Variants in ANKRD31 observed in about 807,000 individuals in gnomAD.
The protein encoded by ANKRD31 is ankyrin repeat domain-containing protein 31.
A neutral mutation model predicts 186.0 loss-of-function variants in ANKRD31; 147 were observed. That is an observed-to-expected ratio of 0.79 (90% CI 0.69 to 0.91). The LOEUF is 0.91. Ranked by LOEUF, ANKRD31 falls within the 40% of genes least tolerant of loss-of-function variation. The pLI is 0.00. For synonymous variants in ANKRD31, 673 were observed against 736.4 expected (o/e 0.91, Z 1.39); for missense variants, 1,986 against 2,148.8 (o/e 0.92, Z 1.50).
chr5:75,130,480 G>A (rs568033125), intron 17 of ANKRD31, among the ~76,000 whole-genome samples: 1 of 152,186 alleles, frequency 6.6e-6, no homozygotes, highest in Non-Finnish European at 1.5e-5. Context: ...ATTTTACAGA[G>A]AGCTGATTGG....
chr5:75,120,461 T>C (rs983922399), intron 17 of ANKRD31, among the ~76,000 whole-genome samples: 2 of 152,178 alleles, frequency 1.3e-5, no homozygotes, highest in African/African-American at 4.8e-5. Flanking sequence ...TGAAAAACTT[T>C]CTAGTTAGGA....
At position 75,105,451 on chromosome 5, in the gene ANKRD31, C is replaced by CT. The variant is rs567030303; in HGVS notation, c.4341-234dup. Among the ~76,000 whole-genome samples the CT allele has an allele frequency of 3.0e-3, 458 of 151,992 alleles. 3 individuals carry two copies. The highest frequency in any genetic ancestry group is 9.8e-3 in the African/African-American group (408 of 41,454). On this transcript the variant is annotated intron_variant, in intron 21 of 25. Coordinates refer to ENST00000506364, the MANE Select transcript of ANKRD31 (RefSeq NM_001372053.1). ...ATTCCTTTATTTAAGTAAATGTGCC[C>CT]TTTTTTTAAGGAGGTGACAGTAAGG...
intron 22 of ANKRD31, among the ~76,000 whole-genome samples, chr5:75,102,783 G>A (rs1212508749): frequency 1.3e-5 from 2 of 152,132 alleles, no homozygotes; most frequent in African/African-American, 4.8e-5. Context: ...CACTGGAAAA[G>A]CACAGCATTA....
intron 24 of ANKRD31, among the ~76,000 whole-genome samples, chr5:75,083,545 A>G (rs1580288043): frequency 6.6e-6 from 1 of 152,280 alleles, no homozygotes; most frequent in Non-Finnish European, 1.5e-5. Flanking sequence ...CCTGGCTAAC[A>G]TGGTGAAACC....
intron 10 of ANKRD31, among the ~76,000 whole-genome samples, chr5:75,175,256 A>G (rs2150203097): frequency 6.6e-6 from 1 of 152,314 alleles, no homozygotes; most frequent in Non-Finnish European, 1.5e-5. Flanking sequence ...GGGGAGGGAT[A>G]GCATTAGGAG....
chr5:75,175,414 G>A (rs899267425), intron 10 of ANKRD31, among the ~76,000 whole-genome samples: 2 of 151,994 alleles, frequency 1.3e-5, no homozygotes, highest in Admixed American at 6.6e-5. Flanking sequence ...CTGATAAAGA[G>A]CATCTATAAA....
chr5:75,205,903 A>C (rs1756147733), intron 5 of ANKRD31, among the ~76,000 whole-genome samples: 1 of 152,050 alleles, frequency 6.6e-6, no homozygotes, highest in South Asian at 2.1e-4. Flanking sequence ...ACTGCCAGTC[A>C]AGAAAGACAT....
intron 7 of ANKRD31, among the ~76,000 whole-genome samples, chr5:75,194,771 C>T (rs960182308): frequency 6.6e-6 from 1 of 151,820 alleles, no homozygotes; most frequent in Non-Finnish European, 1.5e-5. Context: ...AGTTGGAAGG[C>T]ATTATATATA....
In ANKRD31 at chr5:75,146,157, G is replaced by A. The variant is rs772313874; in HGVS notation, c.3254C>T (p.Ala1085Val). 5 of 1,535,680 alleles carry A rather than the reference G, an allele frequency of 3.3e-6. No individual in the cohort carries two copies. The highest frequency in any genetic ancestry group is 4.4e-6 in the Non-Finnish European group (5 of 1,146,240). Residue 1085 changes from alanine to valine, a missense_variant, in exon 14 of 26, where the codon GCT (alanine) becomes GTT (valine). Ala to Val is a moderately conservative substitution (Grantham distance 64). Coordinates refer to ENST00000506364, the MANE Select transcript of ANKRD31 (RefSeq NM_001372053.1). Reference sequence around the variant, plus strand: ...AGTTGTTTCTATTACTTGAGAATGAGCAACTATGGATAAAGGCTCATTTGA... The same window carrying A: ...AGTTGTTTCTATTACTTGAGAATGAACAACTATGGATAAAGGCTCATTTGA... ...IYSNEPLSIV[A>V]HSQVIETTKV...
At chr5:75,222,931 T>C (rs1206962778) in intron 2 of ANKRD31, among the ~76,000 whole-genome samples, 2 of 152,238 alleles carry the variant, frequency 1.3e-5, no homozygotes, top group Non-Finnish European at 1.5e-5. Flanking sequence ...TATAGTACAA[T>C]GACTTATAAT....
intron 5 of ANKRD31, 56 bp from the exon 6 acceptor site, chr5:75,199,730 C>A: frequency 7.2e-7 from 1 of 1,383,836 alleles, no homozygotes; most frequent in Non-Finnish European, 9.8e-7. Flanking sequence ...AAAAACATAC[C>A]TTCTCAGTTG....
At chr5:75,172,238 G>C (rs981573471) in intron 10 of ANKRD31, among the ~76,000 whole-genome samples, 2 of 151,822 alleles carry the variant, frequency 1.3e-5, no homozygotes, top group African/African-American at 4.8e-5. Flanking sequence ...AAGAATGTAA[G>C]GTTGGTTTAA....
At chr5:75,073,246 A>C (rs1269289735) in intron 25 of ANKRD31, among the ~76,000 whole-genome samples, 1 of 151,832 alleles carries the variant, frequency 6.6e-6, no homozygotes, top group Non-Finnish European at 1.5e-5. Context: ...GCAGTGAGCT[A>C]TGATCCTGCC....
chr5:75,169,180 C>T, intron 10 of ANKRD31, 59 bp from the exon 11 acceptor site: 1 of 1,494,714 alleles, frequency 6.7e-7, no homozygotes, highest in South Asian at 1.3e-5. Flanking sequence ...ATGTTTTGTG[C>T]TTGCCCTTAA....
intron 24 of ANKRD31, 79 bp from the exon 25 acceptor site, chr5:75,080,718 C>T (rs564139060): frequency 1.3e-6 from 1 of 761,534 alleles, no homozygotes; most frequent in African/African-American, 1.8e-5. Flanking sequence ...GATGGTCACC[C>T]TACCGATGGG....
intron 15 of ANKRD31, 40 bp from the exon 16 acceptor site, chr5:75,139,023 T>C: frequency 6.5e-7 from 1 of 1,532,332 alleles, no homozygotes; most frequent in Non-Finnish European, 8.7e-7. Context: ...TTCTGCCAAA[T>C]GCTGATTGTT....
Position 75,137,971 on chromosome 5 carries a change from T to C in ANKRD31, c.3761A>G (p.Asn1254Ser). 1 of 1,521,346 alleles carries C rather than the reference T, an allele frequency of 6.6e-7. No individual in the cohort carries two copies. Among genetic ancestry groups the C allele is most frequent in the South Asian group, 1.2e-5 (1 of 80,226 alleles). 94.2% of individuals were successfully genotyped at this position (1,521,346 alleles called of 1,614,324 possible). The change falls in exon 17 of 26, where the codon AAT becomes AGT. Residue 1254 changes from asparagine (N) to serine (S), a missense_variant. Coordinates refer to ENST00000506364, the MANE Select transcript of ANKRD31 (RefSeq NM_001372053.1). Reference protein sequence around the residue: ...AGWTPLHEASNEGSIDIIVEL... With the variant: ...AGWTPLHEASSEGSIDIIVEL... ...TACAATTATATCAATAGATCCTTCA[T>C]TAGATGCCTCATGAAGTGGTGTCCA...
At position 75,169,239 on chromosome 5, in the gene ANKRD31, T is replaced by C. The variant is rs199919657; in HGVS notation, c.1565-118A>G. The C allele has an allele frequency of 5.8e-6, 7 of 1,216,078 alleles. No homozygotes were observed. The East Asian group carries it at 1.8e-4, about 31-fold the overall frequency. The allele number at this position is 1,216,078 out of a possible 1,614,324, so 75.3% of individuals were successfully genotyped here. A position where few individuals can be genotyped will look rare whatever the true frequency, so the allele number is the denominator to read the frequency against. On this transcript the variant is annotated intron_variant, in intron 10 of 25. Transcript: ENST00000506364. ...TTTCTTCAAAAATATTTTGATTATA[T>C]GAGTCAAGATAGTATCACCTGAAAG...
At chr5:75,171,690 T>C (rs1357146824) in intron 10 of ANKRD31, among the ~76,000 whole-genome samples, 1 of 150,770 alleles carries the variant, frequency 6.6e-6, no homozygotes, top group African/African-American at 2.4e-5. Flanking sequence ...AATTGAATAA[T>C]ACAACTAAAA....
Sources: gnomAD v4.1 joint callset for allele counts (sites outside exome capture counted in the v4.1 genomes callset) on GRCh38, gnomAD v4.1.1 for gene constraint, MANE v1.5 for transcripts, NCBI Gene and HGNC (gene_info 2026-07-23, HGNC 2026-07-21) for gene names.